The following NRXN3 variants were observed in gnomAD, a reference collection of about 807,000 sequenced individuals.
NRXN3 encodes neurexin III.
In NRXN3, 32 loss-of-function variants were observed where a neutral mutation model predicts 137.6. The observed-to-expected ratio is 0.23, with a 90% CI of 0.18 to 0.31. The LOEUF is 0.31. Ranked by LOEUF, NRXN3 falls within the 10% of genes least tolerant of loss-of-function variation. The pLI, the probability that NRXN3 is intolerant of heterozygous loss-of-function variation, is 1.00. For synonymous variants in NRXN3, 798 were observed against 784.5 expected, an observed-to-expected ratio of 1.02 and a Z score of -0.29; for missense variants, 1,574 against 2,062.5, an observed-to-expected ratio of 0.76 and a Z score of 4.59.
At chr14:79,152,149 T>C (rs2059857309) in intron 15 of NRXN3, among the ~76,000 whole-genome samples, 1 of 152,060 alleles carries the variant, frequency 6.6e-6, no homozygotes. Flanking sequence ...TCTTCTTTCC[T>C]TCTTTCACTC....
At chr14:79,123,826 G>A (rs2055915108) in intron 15 of NRXN3, among the ~76,000 whole-genome samples, 1 of 152,180 alleles carries the variant, frequency 6.6e-6, no homozygotes, top group African/African-American at 2.4e-5. Flanking sequence ...AAGCAAAGTT[G>A]TGGTTGGGGA....
rs138060396 is a variant in NRXN3, at chr14:78,232,658, C to T, written c.-703-9733C>T. Among the ~76,000 whole-genome samples the T allele has an allele frequency of 3.3e-3, 505 of 152,348 alleles. 5 individuals carry two copies. Among genetic ancestry groups the T allele is most frequent in the African/African-American group, 0.012 (481 of 41,574 alleles). On this transcript the variant is annotated intron_variant, in intron 1 of 20. Coordinates refer to ENST00000335750, the MANE Select transcript of NRXN3 (RefSeq NM_001330195.2). ...CCCTCTCCATTTTTTCTCTCTCCCC[C>T]AGCCCTCCCTGCTTCTCTTCCCTAT...
At chr14:79,664,230 G>A (rs546941908) in intron 17 of NRXN3, among the ~76,000 whole-genome samples, 10 of 152,216 alleles carry the variant, frequency 6.6e-5, no homozygotes, top group African/African-American at 2.4e-4. Flanking sequence ...ATTTTGCAGG[G>A]CCTGTAGATG....
intron 4 of NRXN3, among the ~76,000 whole-genome samples, chr14:78,542,611 G>A (rs1045706709): frequency 6.6e-6 from 1 of 152,182 alleles, no homozygotes; most frequent in Non-Finnish European, 1.5e-5. Flanking sequence ...CCCTTGGCTA[G>A]GAAAGGGAAA....
At chr14:79,839,848 G>A (rs1051345661) in intron 20 of NRXN3, among the ~76,000 whole-genome samples, 4 of 152,164 alleles carry the variant, frequency 2.6e-5, no homozygotes, top group African/African-American at 4.8e-5. Context: ...GTTACTGCTT[G>A]AATGGGCAGA....
At chr14:79,125,170 A>G (rs1428589478) in intron 15 of NRXN3, among the ~76,000 whole-genome samples, 1 of 152,092 alleles carries the variant, frequency 6.6e-6, no homozygotes, top group Non-Finnish European at 1.5e-5. Flanking sequence ...GTCCCTTTTC[A>G]TCTTCTAGAT....
At chr14:78,383,346 G>T (rs774458443) in intron 4 of NRXN3, among the ~76,000 whole-genome samples, 1 of 152,170 alleles carries the variant, frequency 6.6e-6, no homozygotes, top group Non-Finnish European at 1.5e-5. Flanking sequence ...AGCTGTTGGG[G>T]CGAGATGGGC....
At chr14:78,902,509 A>G (rs985962929) in intron 10 of NRXN3, among the ~76,000 whole-genome samples, 3 of 152,008 alleles carry the variant, frequency 2.0e-5, no homozygotes, top group Non-Finnish European at 4.4e-5. Flanking sequence ...GCTTGAGGAG[A>G]AATAAAAGCA....
intron 2 of NRXN3, among the ~76,000 whole-genome samples, chr14:78,269,470 G>A (rs963892748): frequency 6.6e-6 from 1 of 152,184 alleles, no homozygotes; most frequent in Admixed American, 6.5e-5. Flanking sequence ...GTTTTAATAG[G>A]TAAAGAGTTT....
intron 3 of NRXN3, among the ~76,000 whole-genome samples, chr14:78,293,772 A>G (rs532190464): frequency 3.9e-5 from 6 of 152,320 alleles, no homozygotes; most frequent in Admixed American, 3.3e-4. Flanking sequence ...CTTAGCCTTG[A>G]AACTCCAGAC....
At chr14:78,247,856 C>T (rs1161638542) in intron 2 of NRXN3, among the ~76,000 whole-genome samples, 1 of 152,148 alleles carries the variant, frequency 6.6e-6, no homozygotes, top group Non-Finnish European at 1.5e-5. Flanking sequence ...TACTGAACAA[C>T]CTTATGGTTG....
intron 19 of NRXN3, among the ~76,000 whole-genome samples, chr14:79,759,622 TAGTAA>T (rs796583584): frequency 6.6e-6 from 1 of 151,764 alleles, no homozygotes; most frequent in Non-Finnish European, 1.5e-5. Flanking sequence ...GTCATATTTC[TAGTAA>T]AGTATTTAAT....
At chr14:78,382,192 T>C (rs2089249241) in intron 4 of NRXN3, among the ~76,000 whole-genome samples, 1 of 152,210 alleles carries the variant, frequency 6.6e-6, no homozygotes, top group South Asian at 2.1e-4. Flanking sequence ...TCAGAACATG[T>C]GTTCAGGCCA....
At chr14:79,308,049 A>G (rs1234928314) in intron 15 of NRXN3, among the ~76,000 whole-genome samples, 2 of 151,934 alleles carry the variant, frequency 1.3e-5, no homozygotes, top group African/African-American at 2.4e-5. Flanking sequence ...TCTGTGTCCT[A>G]ATCACCTCTT....
chr14:78,917,504 T>C (rs2099258669), intron 10 of NRXN3, among the ~76,000 whole-genome samples: 1 of 152,224 alleles, frequency 6.6e-6, no homozygotes, highest in Non-Finnish European at 1.5e-5. Flanking sequence ...GGACTATATA[T>C]AGCCTTATAT....
chr14:78,992,194 T>G (rs1165100556), intron 15 of NRXN3, among the ~76,000 whole-genome samples: 1 of 152,238 alleles, frequency 6.6e-6, no homozygotes, highest in African/African-American at 2.4e-5. Flanking sequence ...TAGGGCTGTT[T>G]TGATTCTGCA....
chr14:78,888,207 G>A (rs1487607505), intron 10 of NRXN3, among the ~76,000 whole-genome samples: 1 of 152,032 alleles, frequency 6.6e-6, no homozygotes, highest in African/African-American at 2.4e-5. Flanking sequence ...GGAAACATTG[G>A]TGAACAATGG....
chr14:79,412,651 C>A (rs1399944628), intron 15 of NRXN3, among the ~76,000 whole-genome samples: 1 of 151,194 alleles, frequency 6.6e-6, no homozygotes, highest in Non-Finnish European at 1.5e-5. Context: ...GGGGTGGTGA[C>A]CTGTAATCCC....
At chr14:78,948,155 A>G (rs1053714818) in intron 10 of NRXN3, among the ~76,000 whole-genome samples, 3 of 152,202 alleles carry the variant, frequency 2.0e-5, no homozygotes, top group African/African-American at 7.2e-5. Context: ...GTGAAGGAGC[A>G]GGGAGAGTAA....
Sources: gnomAD v4.1 joint callset for allele counts (sites outside exome capture counted in the v4.1 genomes callset) on GRCh38, gnomAD v4.1.1 for gene constraint, MANE v1.5 for transcripts, NCBI Gene and HGNC (gene_info 2026-07-23, HGNC 2026-07-21) for gene names.